The following ST13 variants were observed in gnomAD, a reference collection of about 807,000 sequenced individuals.
The protein encoded by ST13 is hsc70-interacting protein.
In ST13, 23 loss-of-function variants were observed where a neutral mutation model predicts 56.7. That is an observed-to-expected ratio of 0.41 (90% CI 0.29 to 0.57). ST13 has a LOEUF of 0.57. ST13 is among the 20% of genes least tolerant of loss of function. ST13 has a pLI of 0.36. For missense variants in ST13, 369 were observed against 459.9 expected, an observed-to-expected ratio of 0.80 and a Z score of 1.81; for synonymous variants, 132 against 142.4, an observed-to-expected ratio of 0.93 and a Z score of 0.52.
At chr22:40,827,275 T>C (rs1271357160) in intron 10 of ST13, 46 bp from the exon 11 acceptor site, 1 of 1,599,444 alleles carries the variant, frequency 6.3e-7, no homozygotes, top group Non-Finnish European at 8.6e-7. Flanking sequence ...CCAAATATTC[T>C]GACACAGTAT....
intron 8 of ST13, among the ~76,000 whole-genome samples, chr22:40,831,924 T>TC (rs1441084904): frequency 6.6e-6 from 1 of 152,196 alleles, no homozygotes; most frequent in African/African-American, 2.4e-5. Context: ...TGATCTTGGC[T>TC]CACTGCAACC....
intron 2 of ST13, among the ~76,000 whole-genome samples, chr22:40,850,052 G>A (rs1003170262): frequency 6.6e-6 from 1 of 152,118 alleles, no homozygotes; most frequent in East Asian, 1.9e-4. Context: ...GAGGTCAGGA[G>A]TTCGAGACCC....
chr22:40,850,961 A>C, intron 1 of ST13, 81 bp from the exon 2 acceptor site: 1 of 973,968 alleles, frequency 1.0e-6, no homozygotes, highest in Non-Finnish European at 1.5e-6. Flanking sequence ...CTAAAAAATA[A>C]CGTTAGACAT....
chr22:40,835,340 TCTTC>T (rs1040802199), intron 7 of ST13: 2 of 383,394 alleles, frequency 5.2e-6, no homozygotes, highest in Non-Finnish European at 9.6e-6. Flanking sequence ...ACTTTTTATT[TCTTC>T]CTTCCTATAT....
intron 10 of ST13, among the ~76,000 whole-genome samples, chr22:40,828,310 T>C (rs769217550): frequency 6.6e-6 from 1 of 152,078 alleles, no homozygotes; most frequent in Non-Finnish European, 1.5e-5. Context: ...CAATTAATAA[T>C]ATAGAGAAAG....
chr22:40,828,613 A>G (rs1403596612), intron 10 of ST13, among the ~76,000 whole-genome samples: 2 of 151,886 alleles, frequency 1.3e-5, no homozygotes, highest in Non-Finnish European at 2.9e-5. Context: ...GCTCTGTCTC[A>G]ATAATAAAAA....
chr22:40,827,373 C>T, intron 10 of ST13, 144 bp from the exon 11 acceptor site: 1 of 733,310 alleles, frequency 1.4e-6, no homozygotes, highest in South Asian at 1.8e-5. Context: ...AACCAGACTG[C>T]AACAAGACAT....
chr22:40,855,411 G>A (rs1164546105), intron 1 of ST13, among the ~76,000 whole-genome samples: 1 of 152,152 alleles, frequency 6.6e-6, no homozygotes, highest in Non-Finnish European at 1.5e-5. Flanking sequence ...CACTGTATGC[G>A]GCCTGGACAA....
intron 5 of ST13, among the ~76,000 whole-genome samples, chr22:40,836,449 A>T (rs2057778056): frequency 6.6e-6 from 1 of 152,114 alleles, no homozygotes; most frequent in Admixed American, 6.5e-5. Context: ...TCTCAAAAAA[A>T]TAAAAATAAA....
intron 2 of ST13, among the ~76,000 whole-genome samples, 177 bp from the exon 3 acceptor site, chr22:40,848,546 A>G (rs1457297288): frequency 6.6e-6 from 1 of 152,188 alleles, no homozygotes; most frequent in Non-Finnish European, 1.5e-5. Context: ...TAGGAGTTCA[A>G]GACTAGCCTG....
At position 40,827,212 on chromosome 22, in the gene ST13, T is replaced by G. The variant is rs770474108; in HGVS notation, c.865A>C (p.Met289Leu). Residue 289 changes from methionine (M) to leucine (L), a missense_variant, in exon 11 of 12, where the codon ATG (methionine) becomes CTG (leucine). Transcript: ENST00000216218. ...GSFPGGFPGG[M>L]PGNFPGGMPG... ...ATTCCTCCGGGAAAATTACCAGGCA[T>G]TCCCCCAGGAAAGCCACCTGTAATA... 1.2e-6 allele frequency: 2 copies of G among 1,613,702 alleles called. No homozygotes were observed. Among genetic ancestry groups the G allele is most frequent in the Non-Finnish European group, 1.7e-6 (2 of 1,179,986 alleles).
chr22:40,827,178 A>G lies in ST13; in HGVS notation c.899T>C (p.Met300Thr). The part of the protein sequence containing the change: ...PGNFPGGMPG[M>T]GGGMPGMAGM... ...AGCCATTCCAGGCATGCCCCCTCCC[A>G]TTCCAGGCATTCCTCCGGGAAAATT... Residue 300 changes from methionine (M) to threonine (T), a missense_variant, in exon 11 of 12, where the codon ATG (methionine) becomes ACG (threonine). By Grantham distance (81) the Met-to-Thr change is moderately conservative (BLOSUM62 -1). Coordinates refer to ENST00000216218, the MANE Select transcript of ST13 (RefSeq NM_003932.5). The G allele has an allele frequency of 6.2e-7, 1 of 1,613,128 alleles. No individual in the cohort carries two copies. Among genetic ancestry groups the G allele is most frequent in the South Asian group, 1.1e-5 (1 of 91,048 alleles).
chr22:40,842,980 C>T (rs2057811779), intron 4 of ST13, among the ~76,000 whole-genome samples: 1 of 152,056 alleles, frequency 6.6e-6, no homozygotes, highest in Non-Finnish European at 1.5e-5. Context: ...ACTAGCTGGA[C>T]ATGGTGGTGC....
chr22:40,848,133 T>C (rs2057842060), intron 3 of ST13, among the ~76,000 whole-genome samples, 161 bp downstream of exon 3: 2 of 152,232 alleles, frequency 1.3e-5, no homozygotes, highest in South Asian at 2.1e-4. Context: ...ATTTATTTCA[T>C]GTTTCCTTTT....
rs1938238145 is a variant in ST13 at position 40,824,646 on chromosome 22, T to C, written c.*1892A>G. 6.6e-6 allele frequency: 1 copy of C among 152,204 alleles called. No individual in the cohort carries two copies. The highest frequency in any genetic ancestry group is 2.4e-5 in the African/African-American group (1 of 41,446). The allele number at this position is 152,204 out of a possible 1,614,324, so 9.4% of individuals were successfully genotyped here. A position where few individuals can be genotyped will look rare whatever the true frequency, so the allele number is the denominator to read the frequency against. ...CCCACTTATGGTAATATTTGCAATA[T>C]TAGAATATAATTAGGTTAAATAAAT... On this transcript the variant is annotated 3_prime_UTR_variant, in exon 12 of 12. Transcript: ENST00000216218.
At position 40,832,550 on chromosome 22, in the gene ST13, T is replaced by C. The variant is rs768873339; in HGVS notation, c.681+19A>G. Reference sequence around the variant, plus strand: ...GGAGTATTTAACTAATGACTTTCCCTTTCTCTACTTTGACATACCCTAGGT... The same window carrying C: ...GGAGTATTTAACTAATGACTTTCCCCTTCTCTACTTTGACATACCCTAGGT... On this transcript the variant is annotated intron_variant, in intron 8 of 11. Coordinates refer to ENST00000216218, the MANE Select transcript of ST13 (RefSeq NM_003932.5). 85 of 1,582,568 alleles carry C rather than the reference T, an allele frequency of 5.4e-5. No individual in the cohort carries two copies. In the East Asian group the frequency reaches 1.2e-3, roughly 22 times the overall value.
intron 3 of ST13, among the ~76,000 whole-genome samples, chr22:40,846,476 T>C (rs751530630): frequency 2.0e-5 from 3 of 152,142 alleles, no homozygotes; most frequent in South Asian, 4.1e-4. Flanking sequence ...GGTAAAAAAA[T>C]TTTAATCCAT....
At position 40,826,670 on chromosome 22, in the gene ST13, A is replaced by G. The variant is rs767265321; in HGVS notation, c.982-4T>C. On this transcript the variant is annotated splice_region_variant and splice_polypyrimidine_tract_variant and intron_variant, in intron 11 of 11. Transcript: ENST00000216218. Reference sequence around the variant, plus strand: ...AAGCCACCATAACTTCTGGATCCTGAAAAGAAAGGGTTCATTAGTATTTAA... The same window carrying G: ...AAGCCACCATAACTTCTGGATCCTGGAAAGAAAGGGTTCATTAGTATTTAA... The G allele has an allele frequency of 1.4e-5, 23 of 1,609,678 alleles. No individual in the cohort carries two copies. The highest frequency in any genetic ancestry group is 1.9e-5 in the Non-Finnish European group (22 of 1,179,764).
chr22:40,847,151 G>T (rs909823966), intron 3 of ST13, among the ~76,000 whole-genome samples: 1 of 152,186 alleles, frequency 6.6e-6, no homozygotes, highest in African/African-American at 2.4e-5. Flanking sequence ...TCATAGCACA[G>T]ATAACTACTC....
Sources: gnomAD v4.1 joint callset for allele counts (sites outside exome capture counted in the v4.1 genomes callset) on GRCh38, gnomAD v4.1.1 for gene constraint, MANE v1.5 for transcripts, NCBI Gene and HGNC (gene_info 2026-07-23, HGNC 2026-07-21) for gene names.